The following DIAPH2 variants were observed in gnomAD, a reference collection of about 807,000 sequenced individuals.
DIAPH2 encodes protein diaphanous homolog 2.
Under a neutral mutation model 92.7 loss-of-function variants are expected in DIAPH2, and 35 were observed. That is an observed-to-expected ratio of 0.38 (90% CI 0.29 to 0.50). The LOEUF (loss-of-function observed/expected upper bound fraction) is 0.50, where lower values mean the gene tolerates loss of function less well. DIAPH2 is among the 20% of genes least tolerant of loss of function. The pLI is 0.94. For synonymous variants in DIAPH2, 301 were observed against 280.4 expected (o/e 1.07, Z -0.73); for missense variants, 701 against 819.5 (o/e 0.86, Z 1.77).
intron 17 of DIAPH2, among the ~76,000 whole-genome samples, chrX:96,967,101 A>G (rs1044674742): frequency 9.0e-6 from 1 of 111,602 alleles, no homozygotes; most frequent in African/African-American, 3.3e-5. Flanking sequence ...GGTATGTTGC[A>G]TGATTCTGAG....
At chrX:97,440,216 A>G (rs1053414236) in intron 26 of DIAPH2, among the ~76,000 whole-genome samples, 2 of 111,749 alleles carry the variant, frequency 1.8e-5, no homozygotes, top group Non-Finnish European at 3.8e-5. Context: ...AGCATGTTCA[A>G]AAATTATTTA....
At chrX:96,818,940 C>A (rs780086168) in intron 4 of DIAPH2, among the ~76,000 whole-genome samples, 3 of 112,649 alleles carry the variant, frequency 2.7e-5, no homozygotes, top group African/African-American at 9.7e-5. Flanking sequence ...CACCTCAGAT[C>A]ATCAGGCATT....
At chrX:97,365,502 C>A (rs1361384736) in intron 24 of DIAPH2, among the ~76,000 whole-genome samples, 1 of 110,829 alleles carries the variant, frequency 9.0e-6, no homozygotes, top group Non-Finnish European at 1.9e-5. Context: ...CCCTTTTTCT[C>A]TGATTGGAAT....
chrX:96,899,295 T>G (rs768069854), intron 5 of DIAPH2, among the ~76,000 whole-genome samples: 2 of 109,870 alleles, frequency 1.8e-5, no homozygotes, highest in South Asian at 8.2e-4. Context: ...GGGATGGCAT[T>G]GAATCTGTAA....
At chrX:97,450,674 A>G (rs750198952) in intron 26 of DIAPH2, among the ~76,000 whole-genome samples, 1 of 110,392 alleles carries the variant, frequency 9.1e-6, no homozygotes, top group Admixed American at 9.7e-5. Flanking sequence ...TTCTCTTTTC[A>G]TTTCTGAGGT....
At chrX:97,279,570 T>G (rs180850912) in intron 23 of DIAPH2, among the ~76,000 whole-genome samples, 1,313 of 110,579 alleles carry the variant, frequency 0.012, 26 homozygotes, top group African/African-American at 0.041. Context: ...TCCCAAAACA[T>G]GAATCTTTTT....
At chrX:96,797,137 T>A (rs1271377877) in intron 4 of DIAPH2, among the ~76,000 whole-genome samples, 5 of 111,808 alleles carry the variant, frequency 4.5e-5, no homozygotes, top group African/African-American at 1.6e-4. Context: ...TTTCAGAAAT[T>A]TAAAGATTTC....
intron 17 of DIAPH2, among the ~76,000 whole-genome samples, chrX:97,029,207 G>T (rs1189934099): frequency 9.4e-6 from 1 of 106,155 alleles, no homozygotes; most frequent in Admixed American, 1.0e-4. Context: ...GAGTGCAGTG[G>T]CACAACCTTG....
chrX:97,558,766 ATAT>A (rs1293067766), intron 26 of DIAPH2, among the ~76,000 whole-genome samples: 1 of 112,133 alleles, frequency 8.9e-6, no homozygotes, highest in African/African-American at 3.2e-5. Flanking sequence ...TTTCAAATAA[ATAT>A]TATGCAAATG....
chrX:97,148,002 T>C (rs1353941321), intron 22 of DIAPH2, among the ~76,000 whole-genome samples: 4 of 111,044 alleles, frequency 3.6e-5, no homozygotes, highest in Admixed American at 1.9e-4. Context: ...GTTAAAAAGT[T>C]TGGGGGGAAG....
intron 26 of DIAPH2, among the ~76,000 whole-genome samples, chrX:97,555,042 G>A (rs1037874179): frequency 5.2e-5 from 5 of 96,217 alleles, no homozygotes; most frequent in Middle Eastern, 4.8e-3. Flanking sequence ...TTATGAATTG[G>A]CTTTAGCCAA....
intron 9 of DIAPH2, among the ~76,000 whole-genome samples, chrX:96,922,420 A>T (rs2065552147): frequency 9.0e-6 from 1 of 110,992 alleles, no homozygotes; most frequent in African/African-American, 3.3e-5. Context: ...CTTATTACAA[A>T]GTATAGTATT....
chrX:97,328,949 T>A (rs187286069), intron 23 of DIAPH2, among the ~76,000 whole-genome samples: 3 of 112,097 alleles, frequency 2.7e-5, no homozygotes, highest in African/African-American at 9.7e-5. Flanking sequence ...TATGTAAACA[T>A]ACTCTGTTTA....
At chrX:96,797,117 GT>G (rs1426580966) in intron 4 of DIAPH2, among the ~76,000 whole-genome samples, 4 of 110,018 alleles carry the variant, frequency 3.6e-5, no homozygotes, top group Non-Finnish European at 7.6e-5. Context: ...TTTTTTTTTG[GT>G]TTGTTTTCTT....
At chrX:97,377,145 A>G (rs1214168500) in intron 24 of DIAPH2, among the ~76,000 whole-genome samples, 2 of 111,589 alleles carry the variant, frequency 1.8e-5, no homozygotes, top group Non-Finnish European at 3.8e-5. Flanking sequence ...AATAACACAC[A>G]TGGAGTTGTC....
chrX:96,952,416 C>G (rs1016174327), intron 15 of DIAPH2, among the ~76,000 whole-genome samples: 1 of 111,703 alleles, frequency 9.0e-6, no homozygotes, highest in African/African-American at 3.3e-5. Flanking sequence ...CTGGTTGTTC[C>G]AAACATTTGC....
intron 26 of DIAPH2, among the ~76,000 whole-genome samples, chrX:97,445,241 A>G (rs1175567162): frequency 9.0e-6 from 1 of 111,331 alleles, no homozygotes; most frequent in Non-Finnish European, 1.9e-5. Context: ...ATTATGGGCA[A>G]GTTGAATGCT....
intron 17 of DIAPH2, among the ~76,000 whole-genome samples, chrX:97,007,761 C>CCTTTTTTTTTTTTTTTTTTTTTT: frequency 1.2e-5 from 1 of 80,997 alleles, no homozygotes; most frequent in Admixed American, 1.4e-4. Context: ...TTCTTTTTTT[C>CCTTTTTTTTTTTTTTTTTTTTTT]TTTTTTTTTT....
intron 26 of DIAPH2, among the ~76,000 whole-genome samples, chrX:97,521,512 A>G (rs1174820216): frequency 1.8e-5 from 2 of 111,736 alleles, no homozygotes; most frequent in Admixed American, 1.9e-4. Context: ...TTGGCTGCCC[A>G]CATCTCATCT....
Sources: allele counts gnomAD v4.1 joint callset (sites outside exome capture counted in the v4.1 genomes callset), GRCh38; gene constraint gnomAD v4.1.1; transcripts MANE v1.5; gene names NCBI Gene and HGNC (gene_info 2026-07-23, HGNC 2026-07-21).